Variants in SLCO6A1 observed in about 807,000 individuals in gnomAD.
SLCO6A1 encodes the protein solute carrier organic anion transporter family member 6A1, also known as cancer/testis antigen 48.
In SLCO6A1, 65 loss-of-function variants were observed where a neutral mutation model predicts 72.7. The ratio of observed to expected loss-of-function variants is 0.89; its 90% CI spans 0.73 to 1.10. The LOEUF is 1.10. Ranked by LOEUF, SLCO6A1 falls within the 50% of genes least tolerant of loss-of-function variation. SLCO6A1 has a pLI of 0.00. For synonymous variants in SLCO6A1, 314 were observed against 298.2 expected (o/e 1.05, Z -0.55); for missense variants, 874 against 872.6 (o/e 1.00, Z -0.02).
chr5:102,402,111 A>C (rs967166007), intron 9 of SLCO6A1, among the ~76,000 whole-genome samples: 7 of 152,132 alleles, frequency 4.6e-5, no homozygotes, highest in Non-Finnish European at 2.9e-5. Flanking sequence ...GTTGTAGATC[A>C]ATAGCAGAAT....
At chr5:102,432,724 G>A (rs180692930) in intron 7 of SLCO6A1, among the ~76,000 whole-genome samples, 3 of 152,228 alleles carry the variant, frequency 2.0e-5, no homozygotes, top group Admixed American at 2.0e-4. Flanking sequence ...TCATTTTGAA[G>A]TTGGAGAATC....
intron 1 of SLCO6A1, among the ~76,000 whole-genome samples, chr5:102,494,217 CATTTTTTCTATATGAAAAAA>C (rs1461543179): frequency 6.6e-6 from 1 of 152,044 alleles, no homozygotes; most frequent in Non-Finnish European, 1.5e-5. Flanking sequence ...TGGAATAAAG[CATTTTTTCTATATGAAAAAA>C]ATTTAAAACT....
Position 102,496,143 on chromosome 5 carries a change from G to A in SLCO6A1, c.358+2344C>T, listed in dbSNP as rs114495655. Among the ~76,000 whole-genome samples the A allele has an allele frequency of 8.1e-3, 1,239 of 152,276 alleles. 12 individuals are homozygous for A. Among genetic ancestry groups the A allele is most frequent in the Non-Finnish European group, 0.015 (1,007 of 68,020 alleles). On this transcript the variant is annotated intron_variant, in intron 1 of 13. Transcript: ENST00000506729. ...AGAGAGTGTCTCACTTTGGGAAGTT[G>A]CACACTGGAGTAGTTAGCAGTAGTG... is the stretch of plus-strand genomic sequence containing the variant.
chr5:102,466,305 C>T (rs983479867), intron 4 of SLCO6A1, among the ~76,000 whole-genome samples: 1 of 152,036 alleles, frequency 6.6e-6, no homozygotes, highest in East Asian at 1.9e-4. Context: ...CATTAGTTTA[C>T]TAAGGATAAT....
chr5:102,396,063 A>C (rs1338848610), intron 10 of SLCO6A1, among the ~76,000 whole-genome samples: 9 of 152,042 alleles, frequency 5.9e-5, no homozygotes, highest in Non-Finnish European at 1.3e-4. Flanking sequence ...CCATTTGTCA[A>C]TTTTGGCTTT....
intron 1 of SLCO6A1, among the ~76,000 whole-genome samples, chr5:102,491,341 C>G (rs1345639870): frequency 6.6e-6 from 1 of 152,266 alleles, no homozygotes; most frequent in Non-Finnish European, 1.5e-5. Context: ...AGTGGATCCC[C>G]TACCGGGGCC....
chr5:102,480,831 C>T (rs977763096), intron 1 of SLCO6A1, among the ~76,000 whole-genome samples: 2 of 152,000 alleles, frequency 1.3e-5, no homozygotes, highest in Non-Finnish European at 2.9e-5. Context: ...AGTTAAAGCC[C>T]AATGCATATT....
chr5:102,450,331 G>C (rs1357193823), intron 6 of SLCO6A1, among the ~76,000 whole-genome samples: 2 of 152,142 alleles, frequency 1.3e-5, no homozygotes, highest in African/African-American at 2.4e-5. Flanking sequence ...GAGGGCCAAG[G>C]CTTTGTGCAG....
intron 5 of SLCO6A1, among the ~76,000 whole-genome samples, 180 bp downstream of exon 5, chr5:102,459,476 T>C (rs1346885958): frequency 6.6e-6 from 1 of 152,152 alleles, no homozygotes. Flanking sequence ...TATTTGGCTG[T>C]AATGCTGCTT....
intron 4 of SLCO6A1, among the ~76,000 whole-genome samples, chr5:102,472,092 T>C (rs1751657340): frequency 6.6e-6 from 1 of 152,046 alleles, no homozygotes; most frequent in Non-Finnish European, 1.5e-5. Context: ...AAGTGAAATC[T>C]AGATAGAGTA....
At chr5:102,407,675 C>G (rs1207660371) in intron 9 of SLCO6A1, among the ~76,000 whole-genome samples, 1 of 152,110 alleles carries the variant, frequency 6.6e-6, no homozygotes, top group African/African-American at 2.4e-5. Context: ...AAATATGTAA[C>G]ATAAGGGAGA....
Position 102,390,979 on chromosome 5 carries a change from A to G in SLCO6A1, c.1879+2T>C. On this transcript the variant is annotated splice_donor_variant, in intron 11 of 13. Transcript: ENST00000506729. LOFTEE classifies it high-confidence loss of function. ...TAATAAGAGATTGCCAAAAATCCAT[A>G]CCAAATATTCTCAAAATCACATAGC... is the stretch of plus-strand genomic sequence containing the variant. The G allele has an allele frequency of 1.2e-6, 2 of 1,613,428 alleles. No individual in the cohort carries two copies. Among genetic ancestry groups the G allele is most frequent in the Non-Finnish European group, 1.7e-6 (2 of 1,179,492 alleles).
chr5:102,487,620 C>T (rs1255137256), intron 1 of SLCO6A1, among the ~76,000 whole-genome samples: 1 of 152,134 alleles, frequency 6.6e-6, no homozygotes, highest in Non-Finnish European at 1.5e-5. Flanking sequence ...TCTTGCAAGT[C>T]GCAGCATGGA....
At chr5:102,436,125 A>G (rs1227159137) in intron 7 of SLCO6A1, among the ~76,000 whole-genome samples, 2 of 152,206 alleles carry the variant, frequency 1.3e-5, no homozygotes, top group Non-Finnish European at 2.9e-5. Flanking sequence ...ATATACCTTT[A>G]CAGTAAGAAT....
chr5:102,460,899 C>CATATATATATAT (rs60973292), intron 4 of SLCO6A1, among the ~76,000 whole-genome samples: 9 of 130,284 alleles, frequency 6.9e-5, no homozygotes, highest in Non-Finnish European at 1.2e-4. Context: ...CCACTTATCT[C>CATATATATATAT]ATATATATAT....
chr5:102,426,490 T>C (rs7731845), intron 7 of SLCO6A1, among the ~76,000 whole-genome samples: 96,859 of 152,028 alleles, frequency 0.64, 31,024 homozygotes, highest in African/African-American at 0.66. Flanking sequence ...AAAGAAGACA[T>C]TTATGTGGTC....
intron 4 of SLCO6A1, among the ~76,000 whole-genome samples, chr5:102,461,497 T>C (rs1751036257): frequency 6.6e-6 from 1 of 152,100 alleles, no homozygotes; most frequent in Admixed American, 6.6e-5. Flanking sequence ...TGGGTACTTC[T>C]CTTACCAAAT....
chr5:102,491,413 C>T (rs947042741), intron 1 of SLCO6A1, among the ~76,000 whole-genome samples: 57 of 152,322 alleles, frequency 3.7e-4, no homozygotes, highest in Admixed American at 2.2e-3. Context: ...CTTGGGTGGT[C>T]GATGGGACTG....
At chr5:102,437,231 T>C (rs1749589473) in intron 7 of SLCO6A1, among the ~76,000 whole-genome samples, 2 of 152,180 alleles carry the variant, frequency 1.3e-5, no homozygotes, top group Non-Finnish European at 2.9e-5. Context: ...CTGATCAACA[T>C]TATTACAGAT....
Sources: allele counts gnomAD v4.1 joint callset (sites outside exome capture counted in the v4.1 genomes callset), GRCh38; gene constraint gnomAD v4.1.1; transcripts MANE v1.5; gene names NCBI Gene and HGNC (gene_info 2026-07-23, HGNC 2026-07-21).